PAQR3: variants seen among roughly 807,000 people sequenced by gnomAD.
PAQR3 encodes progestin and adipoQ receptor family member 3, also known as Raf kinase trapping to Golgi.
A neutral mutation model predicts 41.7 loss-of-function variants in PAQR3; 39 were observed. The ratio of observed to expected loss-of-function variants is 0.93; its 90% confidence interval spans 0.72 to 1.22. PAQR3 has a LOEUF of 1.22. Ranked by LOEUF, PAQR3 falls within the 50% of genes most tolerant of loss-of-function variation. The pLI, the probability that PAQR3 is intolerant of heterozygous loss-of-function variation, is 0.00. For synonymous variants in PAQR3, 140 were observed against 140.6 expected (o/e 1.00, Z 0.03); for missense variants, 366 against 385.6 (o/e 0.95, Z 0.42).
intron 2 of PAQR3, chr4:78,933,121 T>C: frequency 4.4e-6 from 2 of 454,594 alleles, no homozygotes; most frequent in South Asian, 1.6e-5. Context: ...GCTTCTTTTT[T>C]CCTGCTTAAA....
At chr4:78,928,284 A>C (rs1736456695) in intron 3 of PAQR3, among the ~76,000 whole-genome samples, 1 of 152,178 alleles carries the variant, frequency 6.6e-6, no homozygotes, top group South Asian at 2.1e-4. Flanking sequence ...AAACAGTTTC[A>C]TGCAAAATGA....
rs1735077380 is a variant in PAQR3 at position 78,916,419 on chromosome 4, ACTT to A, written c.*4117_*4119del. On this transcript the variant is annotated 3_prime_UTR_variant, in exon 6 of 6. Coordinates refer to ENST00000512733, the MANE Select transcript of PAQR3 (RefSeq NM_001040202.2). ...GTCTTATTATGACTTTTGGATGTAA[ACTT>A]CTATTCAAATTCAGTTATTTCATTC... 6.6e-6 allele frequency: 1 copy of A among 151,828 alleles called. No homozygotes were observed. The highest frequency in any genetic ancestry group is 6.6e-5 in the Admixed American group (1 of 15,184). The allele number at this position is 151,828 out of a possible 1,614,324, so 9.4% of individuals were successfully genotyped here.
chr4:78,894,862 G>A (rs1025151205), intron 11 of PAQR3, among the ~76,000 whole-genome samples: 8 of 152,306 alleles, frequency 5.3e-5, no homozygotes, highest in African/African-American at 1.9e-4. Flanking sequence ...AACACTTAGA[G>A]GCCATTGTGG....
Position 78,919,213 on chromosome 4 carries a change from T to C in PAQR3, c.*1326A>G. 1.0e-6 allele frequency: 1 copy of C among 984,850 alleles called. No homozygotes were observed. The allele number at this position is 984,850 out of a possible 1,614,324, so 61.0% of individuals were successfully genotyped here. Reference sequence around the variant, plus strand: ...TCATCAATTAACATTTTTTCTGATATTCAGTAATTTTACTGTTCTGAAAAT... The same window carrying C: ...TCATCAATTAACATTTTTTCTGATACTCAGTAATTTTACTGTTCTGAAAAT... On this transcript the variant is annotated 3_prime_UTR_variant, in exon 6 of 6. Coordinates refer to ENST00000512733, the MANE Select transcript of PAQR3 (RefSeq NM_001040202.2).
downstream of PAQR3, among the ~76,000 whole-genome samples, chr4:78,910,317 A>C (rs1734518604): frequency 6.6e-6 from 1 of 152,178 alleles, no homozygotes; most frequent in African/African-American, 2.4e-5. Flanking sequence ...AAAATTTGCT[A>C]GTCTACTACA....
chr4:78,904,072 G>A (rs1359980268), intron 11 of PAQR3, among the ~76,000 whole-genome samples: 2 of 151,914 alleles, frequency 1.3e-5, no homozygotes, highest in South Asian at 2.1e-4. Flanking sequence ...TTATGAAAGA[G>A]TATTAAAGCC....
chr4:78,929,414 A>G (rs1398435622), intron 3 of PAQR3, among the ~76,000 whole-genome samples: 1 of 152,178 alleles, frequency 6.6e-6, no homozygotes, highest in African/African-American at 2.4e-5. Context: ...GGAACATTGA[A>G]TTTGTCTTCT....
Position 78,934,191 on chromosome 4 carries a change from GAATT to G in PAQR3, c.348+926_348+929del, listed in dbSNP as rs201389873. 6.2e-3 allele frequency among the ~76,000 whole-genome samples: 945 copies of G among 152,178 alleles called. 12 individuals carry two copies. The highest frequency in any genetic ancestry group is 0.022 in the African/African-American group (898 of 41,516). ...AATTAAAATATTATTCCAAAAATTG[GAATT>G]AATAAAAAAGGGGAAGAGAGATTTG... is the stretch of plus-strand genomic sequence containing the variant. On this transcript the variant is annotated intron_variant, in intron 2 of 5. Transcript: ENST00000512733.
intron 11 of PAQR3, among the ~76,000 whole-genome samples, chr4:78,903,307 A>G (rs1734112113): frequency 6.6e-6 from 1 of 152,048 alleles, no homozygotes; most frequent in South Asian, 2.1e-4. Context: ...TTTCCAGATC[A>G]CTAGAGTCAG....
chr4:78,931,226 C>T (rs1159126063), intron 2 of PAQR3, among the ~76,000 whole-genome samples: 1 of 145,486 alleles, frequency 6.9e-6, no homozygotes, highest in Non-Finnish European at 1.5e-5. Context: ...GGCATGGCGG[C>T]ATGCACCTGT....
rs1179667406 is a variant in PAQR3, at chr4:78,939,161, C to T, written c.64G>A (p.Val22Ile). 2 of 1,613,460 alleles carry T rather than the reference C, an allele frequency of 1.2e-6. No individual in the cohort carries two copies. Among genetic ancestry groups the T allele is most frequent in the Admixed American group, 1.7e-5 (1 of 59,946 alleles). The change falls in exon 1 of 6, where the codon GTC (valine) becomes ATC (isoleucine). Residue 22 changes from valine to isoleucine, a missense_variant. Coordinates refer to ENST00000512733, the MANE Select transcript of PAQR3 (RefSeq NM_001040202.2). The part of the protein sequence containing the change: ...IELGSYQYWP[V>I]LVPRGIRLYT... Reference sequence around the variant, plus strand: ...AGGCGGATGCCACGGGGCACCAGGACCGGCCAGTACTGGTAGCTGCCCAGC... The same window carrying T: ...AGGCGGATGCCACGGGGCACCAGGATCGGCCAGTACTGGTAGCTGCCCAGC...
At chr4:78,896,747 ATTTC>A (rs913472571) in intron 11 of PAQR3, among the ~76,000 whole-genome samples, 3 of 152,192 alleles carry the variant, frequency 2.0e-5, no homozygotes, top group African/African-American at 7.2e-5. Context: ...TTATCACAAT[ATTTC>A]TTTGCTGCTG....
rs182001312 is a variant in PAQR3 at position 78,916,426 on chromosome 4, T to A, written c.*4113A>T. ...TATGACTTTTGGATGTAAACTTCTA[T>A]TCAAATTCAGTTATTTCATTCACAC... is the stretch of plus-strand genomic sequence containing the variant. On this transcript the variant is annotated 3_prime_UTR_variant, in exon 6 of 6. Coordinates refer to ENST00000512733, the MANE Select transcript of PAQR3 (RefSeq NM_001040202.2). The A allele has an allele frequency of 6.6e-6, 1 of 151,946 alleles. No individual in the cohort carries two copies. The highest frequency in any genetic ancestry group is 2.4e-5 in the African/African-American group (1 of 41,432). The allele number at this position is 151,946 out of a possible 1,614,324, so 9.4% of individuals were successfully genotyped here.
At position 78,919,480 on chromosome 4, in the gene PAQR3, T is replaced by A. The variant is rs1189837362; in HGVS notation, c.*1059A>T. On this transcript the variant is annotated 3_prime_UTR_variant, in exon 6 of 6. Transcript: ENST00000512733. ...CCAAATATTAAGTGTTTATCAAGAT[T>A]CTGAGTTATCAATGCAATGCTAACA... 1.0e-6 allele frequency: 1 copy of A among 984,970 alleles called. No individual in the cohort carries two copies. Among genetic ancestry groups the A allele is most frequent in the Non-Finnish European group, 1.2e-6 (1 of 829,726 alleles). 61.0% of individuals were successfully genotyped at this position (984,970 alleles called of 1,614,324 possible).
chr4:78,909,336 C>T (rs1734455999), downstream of PAQR3, among the ~76,000 whole-genome samples: 1 of 148,576 alleles, frequency 6.7e-6, no homozygotes, highest in African/African-American at 2.5e-5. Flanking sequence ...GCACCCAGCC[C>T]CCTTAGTGTT....
Position 78,920,619 on chromosome 4 carries a change from A to T in PAQR3, c.856T>A (p.Tyr286Asn). The T allele has an allele frequency of 6.2e-7, 1 of 1,611,974 alleles. No individual in the cohort carries two copies. Among genetic ancestry groups the T allele is most frequent in the Non-Finnish European group, 8.5e-7 (1 of 1,178,606 alleles). Residue 286 changes from tyrosine to asparagine, a missense_variant, in exon 6 of 6, where the codon TAT becomes AAT. Physicochemically the swap from Tyr to Asn is moderately radical, Grantham distance 143. Coordinates refer to ENST00000512733, the MANE Select transcript of PAQR3 (RefSeq NM_001040202.2). ...TACACTGTTGACTGATGCCACCAAT[A>T]TAACATCACTACTGCAAGGATATGC... ...IWHILAVVML[Y>N]WWHQSTVYVM...
intron 11 of PAQR3, among the ~76,000 whole-genome samples, chr4:78,896,197 C>G (rs1029341397): frequency 1.3e-5 from 2 of 152,198 alleles, no homozygotes; most frequent in Admixed American, 6.5e-5. Flanking sequence ...ATCCTACTGT[C>G]ACTGCCAGAG....
chr4:78,931,601 C>A (rs1409965328), intron 2 of PAQR3, among the ~76,000 whole-genome samples: 1 of 152,038 alleles, frequency 6.6e-6, no homozygotes, highest in African/African-American at 2.4e-5. Context: ...AGTACAGTAA[C>A]AAATCCTACT....
At chr4:78,930,069 A>G (rs966922677) in intron 3 of PAQR3, 101 bp downstream of exon 3, 6 of 1,161,836 alleles carry the variant, frequency 5.2e-6, no homozygotes, top group East Asian at 2.4e-5. Context: ...TATTTAGTCT[A>G]TAAGTTAATT....
Sources: allele counts gnomAD v4.1 joint callset (sites outside exome capture counted in the v4.1 genomes callset), GRCh38; gene constraint gnomAD v4.1.1; transcripts MANE v1.5; gene names NCBI Gene and HGNC (gene_info 2026-07-23, HGNC 2026-07-21).